Variants in UTP15 observed in about 807,000 individuals in gnomAD.
The protein encoded by UTP15 is UTP15 small subunit processome component.
UTP15 carries 5 observed loss-of-function variants against 59.1 expected under a neutral mutation model. That is an observed-to-expected ratio of 0.08 (90% CI 0.04 to 0.18). The LOEUF is 0.18. Ranked by LOEUF, UTP15 falls within the 10% of genes least tolerant of loss-of-function variation. The pLI is 1.00. For missense variants in UTP15, 494 were observed against 616.7 expected (o/e 0.80, Z 2.11); for synonymous variants, 211 against 212.2 (o/e 0.99, Z 0.05).
intron 8 of UTP15, among the ~76,000 whole-genome samples, 186 bp downstream of exon 8, chr5:73,577,222 C>G (rs1230570984): frequency 6.6e-6 from 1 of 152,082 alleles, no homozygotes. Context: ...GATTTAGGTC[C>G]CACTCACTGT....
chr5:73,578,349 GTGAT>G (rs1748163036), intron 9 of UTP15: 1 of 292,238 alleles, frequency 3.4e-6, no homozygotes, highest in Non-Finnish European at 6.4e-6. Flanking sequence ...CAAATAATTT[GTGAT>G]TGATTCAGGA....
At position 73,579,311 on chromosome 5, in the gene UTP15, T is replaced by C; in HGVS notation, c.1281-6T>C. On this transcript the variant is annotated splice_polypyrimidine_tract_variant and splice_region_variant and intron_variant, in intron 11 of 12. Transcript: ENST00000296792. ...AGTTTCACTAAACTGAATTTTTACTTTGTAGGAATCTTTCTCAGCCAAGAT... is the reference window on the plus strand; with the variant it reads ...AGTTTCACTAAACTGAATTTTTACTCTGTAGGAATCTTTCTCAGCCAAGAT... 6.2e-7 allele frequency: 1 copy of C among 1,607,134 alleles called. No homozygotes were observed. Among genetic ancestry groups the C allele is most frequent in the Non-Finnish European group, 8.5e-7 (1 of 1,177,648 alleles).
At chr5:73,577,115 T>A in intron 8 of UTP15, 79 bp downstream of exon 8, 1 of 1,111,912 alleles carries the variant, frequency 9.0e-7, no homozygotes, top group Non-Finnish European at 1.3e-6. Flanking sequence ...TTGGGCTTTA[T>A]TTTTAGATTT....
chr5:73,572,422 T>G, intron 6 of UTP15, 67 bp from the exon 7 acceptor site: 1 of 1,583,342 alleles, frequency 6.3e-7, no homozygotes, highest in Non-Finnish European at 8.6e-7. Context: ...AGAAGAATGC[T>G]TTTCAGATCT....
At chr5:73,573,437 G>A (rs1474358314) in intron 7 of UTP15, among the ~76,000 whole-genome samples, 2 of 151,408 alleles carry the variant, frequency 1.3e-5, no homozygotes, top group Non-Finnish European at 2.9e-5. Context: ...TAGTAGAGAC[G>A]GGGTTTCGCC....
intron 6 of UTP15, among the ~76,000 whole-genome samples, chr5:73,571,752 A>G (rs1405375196): frequency 2.6e-5 from 4 of 152,154 alleles, no homozygotes; most frequent in Non-Finnish European, 5.9e-5. Context: ...CCTGGGCAAC[A>G]TAGCAAGACT....
chr5:73,572,368 C>A, intron 6 of UTP15, 121 bp from the exon 7 acceptor site: 1 of 1,314,290 alleles, frequency 7.6e-7, no homozygotes, highest in Non-Finnish European at 1.1e-6. Flanking sequence ...GGCAGCCTGG[C>A]CTGGACTCCC....
rs1748253204 is a variant in UTP15 at position 73,580,112 on chromosome 5, A to G, written c.*18A>G. ...AATCATAGTGTCTGCTAAATAAGAC[A>G]TATAAGAACTCTGAAGTTGGAATAG... On this transcript the variant is annotated 3_prime_UTR_variant, in exon 13 of 13. Coordinates refer to ENST00000296792, the MANE Select transcript of UTP15 (RefSeq NM_032175.4). The G allele has an allele frequency of 1.3e-6, 2 of 1,596,578 alleles. No individual in the cohort carries two copies. The highest frequency in any genetic ancestry group is 1.7e-6 in the Non-Finnish European group (2 of 1,167,344).
At chr5:73,572,147 A>G (rs1022127081) in intron 6 of UTP15, among the ~76,000 whole-genome samples, 1 of 152,178 alleles carries the variant, frequency 6.6e-6, no homozygotes, top group Non-Finnish European at 1.5e-5. Context: ...TTTGCTGCAG[A>G]TCTACATTAT....
intron 7 of UTP15, 141 bp downstream of exon 7, chr5:73,572,765 G>GT (rs1747970874): frequency 1.2e-6 from 1 of 836,120 alleles, no homozygotes; most frequent in Non-Finnish European, 1.8e-6. Flanking sequence ...GTTGAAAATA[G>GT]TTTTGACCTT....
chr5:73,578,771 G>A lies in UTP15; in HGVS notation c.1065G>A (p.Arg355=). Residue 355 remains arginine (R), a synonymous_variant, in exon 10 of 13, where the codon AGG becomes AGA. Transcript: ENST00000296792. The part of the protein sequence containing the change: ...MKQRDDILIN[R]PAKKHLELYD... ...TGCAGGATGACATTTTGATTAACAG[G>A]CCAGCAAAGAAGCACCTAGAATTGT... 1 of 1,613,740 alleles carries A rather than the reference G, an allele frequency of 6.2e-7. No homozygotes were observed. The highest frequency in any genetic ancestry group is 8.5e-7 in the Non-Finnish European group (1 of 1,179,754).
chr5:73,580,063 G>C lies in UTP15; in HGVS notation c.1526G>C (p.Gly509Ala). Residue 509 changes from glycine to alanine, a missense_variant, in exon 13 of 13, where the codon GGA (glycine) becomes GCA (alanine). Physicochemically the swap from Gly to Ala is moderately conservative, Grantham distance 60 (BLOSUM62 0). Coordinates refer to ENST00000296792, the MANE Select transcript of UTP15 (RefSeq NM_032175.4). The part of the protein sequence containing the change: ...GTSVLEHTSD[G>A]FPENKKIES ...TCTGTGTTGGAACACACATCTGATG[G>C]ATTTCCAGAGAATAAGAAGATAGAA... The C allele has an allele frequency of 6.2e-7, 1 of 1,613,624 alleles. No homozygotes were observed. Among genetic ancestry groups the C allele is most frequent in the Non-Finnish European group, 8.5e-7 (1 of 1,179,730 alleles).
chr5:73,569,984 C>G (rs901349734), intron 5 of UTP15, among the ~76,000 whole-genome samples: 4 of 151,860 alleles, frequency 2.6e-5, no homozygotes, highest in African/African-American at 9.7e-5. Flanking sequence ...AGGTGCCCAC[C>G]ACCACGTCCA....
At chr5:73,567,998 A>G (rs1233767295) in intron 2 of UTP15, among the ~76,000 whole-genome samples, 2 of 152,210 alleles carry the variant, frequency 1.3e-5, no homozygotes, top group Non-Finnish European at 2.9e-5. Context: ...AGTAAACTCA[A>G]TAGCTGAAGA....
In UTP15 at chr5:73,578,030, T is replaced by C. The variant is rs753464529; in HGVS notation, c.1044+25T>C. On this transcript the variant is annotated intron_variant, in intron 9 of 12. Transcript: ENST00000296792. ...GGTATTTGTGCATTTCTCATATTTGTTTAAAGGGTGAAATTTGTTAGAGTA... is the reference window on the plus strand; with the variant it reads ...GGTATTTGTGCATTTCTCATATTTGCTTAAAGGGTGAAATTTGTTAGAGTA... 2.9e-5 allele frequency: 45 copies of C among 1,570,518 alleles called. No homozygotes were observed. In the South Asian group the frequency reaches 4.9e-4, roughly 17 times the overall value.
At chr5:73,572,749 T>C in intron 7 of UTP15, 125 bp downstream of exon 7, 1 of 976,686 alleles carries the variant, frequency 1.0e-6, no homozygotes, top group Non-Finnish European at 1.5e-6. Flanking sequence ...GAAAAAAACC[T>C]GTTGAGTTGA....
At position 73,582,659 on chromosome 5, in the gene UTP15, G is replaced by A. The variant is rs73117988; in HGVS notation, c.*2565G>A. 12,878 of 152,238 alleles carry A rather than the reference G, an allele frequency of 0.085. 799 individuals are homozygous for A. The highest frequency in any genetic ancestry group is 0.18 in the African/African-American group (7,401 of 41,518). The allele number at this position is 152,238 out of a possible 1,614,324, so 9.4% of individuals were successfully genotyped here. A position where few individuals can be genotyped will look rare whatever the true frequency, so the allele number is the denominator to read the frequency against. On this transcript the variant is annotated 3_prime_UTR_variant, in exon 13 of 13. Coordinates refer to ENST00000296792, the MANE Select transcript of UTP15 (RefSeq NM_032175.4). ...CCACCTCAGCCTCCTTAATGACTGG[G>A]ATTAAAGGCATGAGCCACTGCGCCC... is the stretch of plus-strand genomic sequence containing the variant.
chr5:73,569,400 C>CT (rs1338567500), intron 4 of UTP15, 97 bp from the exon 5 acceptor site: 557 of 992,178 alleles, frequency 5.6e-4, no homozygotes, highest in South Asian at 8.1e-4. Flanking sequence ...AACTCAGCTG[C>CT]TTTTTTTTTA....
In UTP15 at chr5:73,568,232, A is replaced by G. The variant is rs1266709061; in HGVS notation, c.91-3A>G. The G allele has an allele frequency of 1.9e-6, 3 of 1,597,832 alleles. No individual in the cohort carries two copies. The highest frequency in any genetic ancestry group is 1.4e-5 in the African/African-American group (1 of 73,976). ...TGTTAACACACTATTATTTTTTATT[A>G]AGACCCCTGTTCAGATTAAGGAATT... On this transcript the variant is annotated splice_region_variant and splice_polypyrimidine_tract_variant and intron_variant, in intron 2 of 12. Transcript: ENST00000296792.
Sources: allele counts gnomAD v4.1 joint callset (sites outside exome capture counted in the v4.1 genomes callset), GRCh38; gene constraint gnomAD v4.1.1; transcripts MANE v1.5; gene names NCBI Gene and HGNC (gene_info 2026-07-23, HGNC 2026-07-21).